METAP1D: variants seen among roughly 807,000 people sequenced by gnomAD.
The protein encoded by METAP1D is methionyl aminopeptidase type 1D, mitochondrial.
In METAP1D, 31 loss-of-function variants were observed where a neutral mutation model predicts 40.5. The ratio of observed to expected loss-of-function variants is 0.77; its 90% CI spans 0.58 to 1.03. The LOEUF is 1.03. METAP1D is among the 50% of genes least tolerant of loss of function. The probability of loss-of-function intolerance (pLI) is 0.00; values close to 1 mark genes in which losing one functional copy is unlikely to be tolerated. For missense variants in METAP1D, 411 were observed against 420.7 expected, an observed-to-expected ratio of 0.98 and a Z score of 0.20; for synonymous variants, 151 against 146.4, an observed-to-expected ratio of 1.03 and a Z score of -0.22.
intron 6 of METAP1D, among the ~76,000 whole-genome samples, chr2:172,074,916 G>A (rs74777591): frequency 0.026 from 3,892 of 152,142 alleles, 162 homozygotes; most frequent in African/African-American, 0.088. Flanking sequence ...CAGCATGTAC[G>A]TAAACATAGT....
At chr2:172,011,836 A>G (rs1038182229) in intron 1 of METAP1D, among the ~76,000 whole-genome samples, 3 of 152,198 alleles carry the variant, frequency 2.0e-5, no homozygotes, top group African/African-American at 7.2e-5. Context: ...TAATGCTACT[A>G]TGAATATTTG....
intron 1 of METAP1D, among the ~76,000 whole-genome samples, chr2:172,040,466 G>C (rs919238557): frequency 6.6e-5 from 10 of 152,270 alleles, no homozygotes; most frequent in Middle Eastern, 3.4e-3. Flanking sequence ...AACATGTGGA[G>C]GAAACTACAT....
chr2:172,077,540 C>T lies in METAP1D; in HGVS notation c.705-257C>T, dbSNP rs141604772. 3.6e-3 allele frequency among the ~76,000 whole-genome samples: 547 copies of T among 151,194 alleles called. 2 individuals are homozygous for T. Among genetic ancestry groups the T allele is most frequent in the African/African-American group, 0.013 (522 of 41,316 alleles). On this transcript the variant is annotated intron_variant, in intron 6 of 9. Coordinates refer to ENST00000315796, the MANE Select transcript of METAP1D (RefSeq NM_199227.3). ...AAAGTGGCTTTGTTTGAATGCTGTA[C>T]AAAGGTAAATGACTCAAACGACTGT...
At chr2:172,005,520 T>TTTTATATA (rs1267182910) in intron 1 of METAP1D, among the ~76,000 whole-genome samples, 154 of 110,948 alleles carry the variant, frequency 1.4e-3, no homozygotes, top group Non-Finnish European at 1.8e-3. Flanking sequence ...TGTCTGTATT[T>TTTTATATA]TATATATATA....
intron 1 of METAP1D, among the ~76,000 whole-genome samples, chr2:172,051,564 A>G (rs775873223): frequency 7.9e-5 from 12 of 152,212 alleles, no homozygotes; most frequent in Non-Finnish European, 1.8e-4. Flanking sequence ...GGTATATAGT[A>G]TAGCGCCAAC....
In METAP1D at chr2:172,080,649, G is replaced by A. The variant is rs1051941974; in HGVS notation, c.*243G>A. 1.7e-6 allele frequency: 1 copy of A among 597,858 alleles called. No homozygotes were observed. The highest frequency in any genetic ancestry group is 3.0e-6 in the Non-Finnish European group (1 of 337,224). The allele number at this position is 597,858 out of a possible 1,614,324, so 37.0% of individuals were successfully genotyped here. A position where few individuals can be genotyped will look rare whatever the true frequency, so the allele number is the denominator to read the frequency against. ...GGCCCTGGACTCGGTTTCCCAGCGC[G>A]GTCAACGCATCTGGAGGGGACTGGA... On this transcript the variant is annotated 3_prime_UTR_variant, in exon 10 of 10. Transcript: ENST00000315796.
At chr2:172,040,036 GTGCAACTGCC>G (rs1372161895) in intron 1 of METAP1D, among the ~76,000 whole-genome samples, 1 of 151,264 alleles carries the variant, frequency 6.6e-6, no homozygotes, top group Non-Finnish European at 1.5e-5. Context: ...CCAGGCTGGA[GTGCAACTGCC>G]TGCCGGGTTC....
At chr2:172,063,652 AATG>A in intron 2 of METAP1D, 56 bp from the exon 3 acceptor site, 1 of 1,334,278 alleles carries the variant, frequency 7.5e-7, no homozygotes, top group Non-Finnish European at 1.1e-6. Context: ...TGTCTGAAAA[AATG>A]ATCCCATTGT....
intron 1 of METAP1D, among the ~76,000 whole-genome samples, chr2:172,026,849 A>G (rs554689687): frequency 4.8e-4 from 73 of 152,310 alleles, no homozygotes; most frequent in African/African-American, 1.7e-3. Flanking sequence ...CTGTACCAAC[A>G]TCCTATCCAG....
intron 1 of METAP1D, among the ~76,000 whole-genome samples, chr2:172,028,628 T>C (rs1689174636): frequency 6.6e-6 from 1 of 151,640 alleles, no homozygotes; most frequent in Non-Finnish European, 1.5e-5. Flanking sequence ...GTATATAATA[T>C]GCAACTTGTT....
At chr2:172,033,180 C>T (rs561265870) in intron 1 of METAP1D, among the ~76,000 whole-genome samples, 2 of 151,694 alleles carry the variant, frequency 1.3e-5, no homozygotes, top group East Asian at 3.9e-4. Flanking sequence ...ATTGACACCA[C>T]CAAGATACAA....
At chr2:172,067,901 T>G (rs956063274) in intron 5 of METAP1D, among the ~76,000 whole-genome samples, 1 of 152,228 alleles carries the variant, frequency 6.6e-6, no homozygotes, top group African/African-American at 2.4e-5. Context: ...TATAAAATAT[T>G]TTATTAAGTG....
chr2:172,036,556 G>A (rs887365621), intron 1 of METAP1D, among the ~76,000 whole-genome samples: 50 of 151,530 alleles, frequency 3.3e-4, no homozygotes, highest in African/African-American at 1.1e-3. Context: ...TAGTAGAGAC[G>A]GGGTTTCACA....
chr2:172,022,590 AAG>A (rs1211729600), intron 1 of METAP1D, among the ~76,000 whole-genome samples: 1 of 152,212 alleles, frequency 6.6e-6, no homozygotes, highest in Non-Finnish European at 1.5e-5. Flanking sequence ...TAAGTAAAAA[AAG>A]TGGAATTGTT....
intron 1 of METAP1D, among the ~76,000 whole-genome samples, chr2:172,001,407 G>A (rs758377369): frequency 3.3e-5 from 5 of 151,896 alleles, no homozygotes; most frequent in African/African-American, 1.2e-4. Flanking sequence ...GCGTGGTGGC[G>A]CATGCCTGTA....
At chr2:172,035,919 A>T (rs1012262986) in intron 1 of METAP1D, among the ~76,000 whole-genome samples, 3 of 152,106 alleles carry the variant, frequency 2.0e-5, no homozygotes, top group African/African-American at 7.2e-5. Context: ...AAGTGCTAAG[A>T]TTACAGGTGT....
At chr2:172,045,817 G>GTA (rs1215869065) in intron 1 of METAP1D, among the ~76,000 whole-genome samples, 329 of 16,332 alleles carry the variant, frequency 0.02, 10 homozygotes, top group African/African-American at 0.067. Flanking sequence ...GTGTGTGTGT[G>GTA]TGTATATATA....
At chr2:172,041,726 TTATATATATATATA>T (rs67708838) in intron 1 of METAP1D, among the ~76,000 whole-genome samples, 380 of 37,568 alleles carry the variant, frequency 0.01, 40 homozygotes, top group South Asian at 0.021. Flanking sequence ...TCTAATTATT[TTATATATATATATA>T]TATATATATA....
rs1344393 is a variant in METAP1D at position 172,055,736 on chromosome 2, T to C, written c.41-5762T>C. 0.039 allele frequency among the ~76,000 whole-genome samples: 5,956 copies of C among 152,262 alleles called. 641 individuals are homozygous for C. In the East Asian group the frequency reaches 0.45, roughly 12 times the overall value. The stretch of plus-strand genomic sequence containing the variant: ...ATTTGTAAGGGTGTCTTTCATCAGA[T>C]TGAAAGAAAAGAATTCGTTTCAAAT... On this transcript the variant is annotated intron_variant, in intron 1 of 9. Transcript: ENST00000315796.
Sources: gnomAD v4.1 joint callset for allele counts (sites outside exome capture counted in the v4.1 genomes callset) on GRCh38, gnomAD v4.1.1 for gene constraint, MANE v1.5 for transcripts, NCBI Gene and HGNC (gene_info 2026-07-23, HGNC 2026-07-21) for gene names.